The following DYNC2I2 variants were observed in gnomAD, a reference collection of about 807,000 sequenced individuals.
DYNC2I2 encodes dynein 2 intermediate chain 2.
A neutral mutation model predicts 52.0 loss-of-function variants in DYNC2I2; 39 were observed. The observed-to-expected ratio is 0.75, with a 90% CI of 0.58 to 0.98. DYNC2I2 has a LOEUF of 0.98. Among genes scored for constraint, DYNC2I2 ranks in the 50% least tolerant of loss-of-function variants. The pLI, the probability that DYNC2I2 is intolerant of heterozygous loss-of-function variation, is 0.00. For missense variants in DYNC2I2, 743 were observed against 728.4 expected (o/e 1.02, Z -0.23); for synonymous variants, 359 against 321.1 (o/e 1.12, Z -1.26).
rs1449595424 is a variant in DYNC2I2 at position 128,635,748 on chromosome 9, C to T, written c.723G>A (p.Glu241=). 1 of 1,613,088 alleles carries T rather than the reference C, an allele frequency of 6.2e-7. No individual in the cohort carries two copies. The highest frequency in any genetic ancestry group is 8.5e-7 in the Non-Finnish European group (1 of 1,179,590). The change falls in exon 5 of 9, where the codon GAG becomes GAA. Residue 241 remains glutamate (E), a synonymous_variant. Coordinates refer to ENST00000372715, the MANE Select transcript of DYNC2I2 (RefSeq NM_052844.4). ...SHVAGGLYSG[E]VLVWDLSRLE... Reference sequence around the variant, plus strand: ...GACGGCTCAGGTCCCACACCAACACCTCACCACTGTACAGCCCTCCTGCAG... The same window carrying T: ...GACGGCTCAGGTCCCACACCAACACTTCACCACTGTACAGCCCTCCTGCAG...
upstream of DYNC2I2, among the ~76,000 whole-genome samples, chr9:128,658,721 A>ATTTTTTTTTTTTTTTTTTTTTTTTTTT (rs746310535): frequency 1.1e-5 from 1 of 91,552 alleles, no homozygotes; most frequent in Non-Finnish European, 2.0e-5. Flanking sequence ...ACCTGACCTA[A>ATTTTTTTTTTTTTTTTTTTTTTTTTTT]TTTTTTTTTT....
chr9:128,633,659 C>G lies in DYNC2I2; in HGVS notation c.*85G>C. On this transcript the variant is annotated 3_prime_UTR_variant, in exon 9 of 9. Coordinates refer to ENST00000372715, the MANE Select transcript of DYNC2I2 (RefSeq NM_052844.4). ...AAGACAAATAAATGATGACTTCCCC[C>G]AAAGCTTTGCTTTTCTTCATTTGGC... is the stretch of plus-strand genomic sequence containing the variant. The G allele has an allele frequency of 6.8e-7, 1 of 1,464,166 alleles. No individual in the cohort carries two copies. The highest frequency in any genetic ancestry group is 9.3e-7 in the Non-Finnish European group (1 of 1,076,248). The allele number at this position is 1,464,166 out of a possible 1,614,324, so 90.7% of individuals were successfully genotyped here. A position where few individuals can be genotyped will look rare whatever the true frequency, so the allele number is the denominator to read the frequency against.
intron 1 of DYNC2I2, among the ~76,000 whole-genome samples, chr9:128,647,303 G>A (rs192113247): frequency 5.9e-5 from 9 of 152,262 alleles, no homozygotes; most frequent in Non-Finnish European, 1.2e-4. Context: ...TAGCAAGAGG[G>A]TAAGGCTCCA....
chr9:128,638,700 C>T (rs906168388), intron 2 of DYNC2I2, among the ~76,000 whole-genome samples: 10 of 152,010 alleles, frequency 6.6e-5, no homozygotes, highest in Non-Finnish European at 1.0e-4. Context: ...AGGTTTAGAC[C>T]CTAGAGAAAT....
the DYNC2I2 span, among the ~76,000 whole-genome samples, chr9:128,667,736 AT>A: frequency 3.0e-3 from 388 of 130,416 alleles, no homozygotes; most frequent in Middle Eastern, 4.6e-3. Context: ...CGCCCAGCTA[AT>A]TTTTTTTTTT....
intron 1 of DYNC2I2, among the ~76,000 whole-genome samples, chr9:128,648,065 ACCCAAGCCACAAGCTAGGC>A (rs1471910144): frequency 1.3e-5 from 2 of 152,016 alleles, no homozygotes; most frequent in African/African-American, 4.8e-5. Context: ...AAAACCTCCT[ACCCAAGCCACAAGCTAGGC>A]CCCAAGCCCC....
Position 128,633,945 on chromosome 9 carries a change from C to T in DYNC2I2, c.1410G>A (p.Gln470=). 2 of 1,613,126 alleles carry T rather than the reference C, an allele frequency of 1.2e-6. No individual in the cohort carries two copies. The highest frequency in any genetic ancestry group is 1.7e-6 in the Non-Finnish European group (2 of 1,180,042). ...TTTGCTTGATCAAAACTGTGGGTTT[C>T]TGGGAGCTTTTCTGGAGATCAAACA... ...VQLFDLQKSS[Q]KPTVLIKQTQ... is the part of the protein sequence containing the mutation. The change falls in exon 9 of 9, where the codon CAG becomes CAA. Residue 470 remains glutamine, a synonymous_variant. Coordinates refer to ENST00000372715, the MANE Select transcript of DYNC2I2 (RefSeq NM_052844.4).
At chr9:128,680,361 AATTATTATT>A in the DYNC2I2 span, among the ~76,000 whole-genome samples, 2 of 139,726 alleles carry the variant, frequency 1.4e-5, no homozygotes, top group South Asian at 2.3e-4. Flanking sequence ...GTACCTGGTC[AATTATTATT>A]ATTATTATTA....
chr9:128,664,548 G>A, the DYNC2I2 span, among the ~76,000 whole-genome samples: 5 of 150,818 alleles, frequency 3.3e-5, no homozygotes, highest in Admixed American at 6.6e-5. Flanking sequence ...GAAGTGTCGC[G>A]ATCCTGGCTC....
chr9:128,673,700 G>T, the DYNC2I2 span, among the ~76,000 whole-genome samples: 2 of 151,860 alleles, frequency 1.3e-5, no homozygotes, highest in African/African-American at 2.4e-5. Flanking sequence ...TAGAGATGGG[G>T]TTTCACCGTG....
intron 2 of DYNC2I2, among the ~76,000 whole-genome samples, chr9:128,639,968 A>C (rs1324401197): frequency 7.0e-6 from 1 of 142,986 alleles, no homozygotes; most frequent in Non-Finnish European, 1.5e-5. Flanking sequence ...GCCCAGCCTC[A>C]TACAGTTGTT....
At chr9:128,644,477 C>A (rs1589433578) in intron 1 of DYNC2I2, among the ~76,000 whole-genome samples, 1 of 152,086 alleles carries the variant, frequency 6.6e-6, no homozygotes, top group East Asian at 1.9e-4. Context: ...CAGGGTCTCA[C>A]TATATTATCT....
At chr9:128,668,175 G>A in the DYNC2I2 span, among the ~76,000 whole-genome samples, 1 of 151,804 alleles carries the variant, frequency 6.6e-6, no homozygotes, top group Non-Finnish European at 1.5e-5. Flanking sequence ...TGGCCAGGAT[G>A]GTCTTGATCT....
intron 1 of DYNC2I2, among the ~76,000 whole-genome samples, chr9:128,641,698 G>A (rs1860516783): frequency 6.6e-6 from 1 of 152,240 alleles, no homozygotes; most frequent in South Asian, 2.1e-4. Flanking sequence ...ACAAGGCCCT[G>A]GACTGCCACA....
intron 1 of DYNC2I2, among the ~76,000 whole-genome samples, chr9:128,641,516 T>G (rs1162788253): frequency 6.6e-6 from 1 of 152,114 alleles, no homozygotes; most frequent in Admixed American, 6.6e-5. Context: ...GTCCCCTGCT[T>G]AGCTGTACCT....
chr9:128,641,978 C>A (rs1472623876), intron 1 of DYNC2I2, among the ~76,000 whole-genome samples: 1 of 131,752 alleles, frequency 7.6e-6, no homozygotes, highest in South Asian at 2.2e-4. Flanking sequence ...TATATACATA[C>A]ACACACACAC....
upstream of DYNC2I2, among the ~76,000 whole-genome samples, chr9:128,661,064 G>A (rs986676348): frequency 1.3e-5 from 2 of 151,884 alleles, no homozygotes; most frequent in African/African-American, 2.4e-5. Flanking sequence ...GTGTTGAGCC[G>A]GCCGCAATGT....
chr9:128,637,141 T>C, intron 2 of DYNC2I2, 114 bp from the exon 3 acceptor site: 1 of 675,534 alleles, frequency 1.5e-6, no homozygotes, highest in South Asian at 1.7e-5. Context: ...CTCAAGTCCA[T>C]CAGCCAGGCC....
chr9:128,672,006 C>T, the DYNC2I2 span, among the ~76,000 whole-genome samples: 2 of 148,144 alleles, frequency 1.4e-5, no homozygotes, highest in Non-Finnish European at 3.0e-5. Flanking sequence ...CGGAGTCTCG[C>T]TCTGTCGCCC....
Sources: gnomAD v4.1 joint callset for allele counts (sites outside exome capture counted in the v4.1 genomes callset) on GRCh38, gnomAD v4.1.1 for gene constraint, MANE v1.5 for transcripts, NCBI Gene and HGNC (gene_info 2026-07-23, HGNC 2026-07-21) for gene names.